Variants in CADPS2 observed in about 807,000 individuals in gnomAD.
CADPS2 encodes calcium dependent secretion activator 2.
CADPS2 carries 93 observed loss-of-function variants against 172.5 expected under a neutral mutation model. The observed-to-expected ratio is 0.54, with a 90% CI of 0.46 to 0.64. The LOEUF is 0.64. CADPS2 is among the 30% of genes least tolerant of loss of function. The pLI, the probability that CADPS2 is intolerant of heterozygous loss-of-function variation, is 0.00. For missense variants in CADPS2, 1,420 were observed against 1,565.9 expected (o/e 0.91, Z 1.57); for synonymous variants, 546 against 555.2 (o/e 0.98, Z 0.23).
intron 3 of CADPS2, among the ~76,000 whole-genome samples, chr7:122,661,309 T>C (rs2011162394): frequency 6.6e-6 from 1 of 152,208 alleles, no homozygotes; most frequent in Admixed American, 6.5e-5. Context: ...GTTGGAGATC[T>C]GAATTGCAAG....
intron 12 of CADPS2, chr7:122,480,193 G>A (rs1229233352): frequency 4.0e-5 from 18 of 451,262 alleles, no homozygotes; most frequent in Middle Eastern, 3.4e-4. Flanking sequence ...GAGAGTCAAA[G>A]AAAAAAAGAA....
At chr7:122,482,689 T>A (rs1269219990) in intron 11 of CADPS2, among the ~76,000 whole-genome samples, 1 of 152,142 alleles carries the variant, frequency 6.6e-6, no homozygotes, top group Non-Finnish European at 1.5e-5. Flanking sequence ...GGAGAAACTC[T>A]ATAGCCCATG....
At chr7:122,621,898 G>A (rs1212913967) in intron 4 of CADPS2, among the ~76,000 whole-genome samples, 181 bp from the exon 5 acceptor site, 1 of 151,892 alleles carries the variant, frequency 6.6e-6, no homozygotes, top group Non-Finnish European at 1.5e-5. Context: ...TATATCTATG[G>A]TACTTCAGAT....
chr7:122,762,014 ATAT>A (rs1422944019), intron 1 of CADPS2, among the ~76,000 whole-genome samples: 2 of 86,476 alleles, frequency 2.3e-5, no homozygotes, highest in African/African-American at 9.3e-5. Context: ...AAAAAAAAAA[ATAT>A]ATATATATAT....
intron 14 of CADPS2, among the ~76,000 whole-genome samples, chr7:122,460,959 T>C (rs73431574): frequency 0.051 from 7,826 of 152,272 alleles, 487 homozygotes; most frequent in African/African-American, 0.15. Context: ...TATAATTTTG[T>C]TGGGACAAGC....
At chr7:122,575,442 CTT>C (rs140893372) in intron 7 of CADPS2, among the ~76,000 whole-genome samples, 11 of 143,298 alleles carry the variant, frequency 7.7e-5, no homozygotes, top group Non-Finnish European at 7.7e-5. Context: ...TCTTCTTTTC[CTT>C]TTTTTTTTTT....
chr7:122,712,259 A>G (rs990511067), intron 2 of CADPS2, among the ~76,000 whole-genome samples: 2 of 152,100 alleles, frequency 1.3e-5, no homozygotes, highest in Non-Finnish European at 2.9e-5. Flanking sequence ...GACCCAGTGC[A>G]CTGATTTGTA....
At chr7:122,602,324 T>C (rs1051969367) in intron 6 of CADPS2, among the ~76,000 whole-genome samples, 5 of 151,998 alleles carry the variant, frequency 3.3e-5, no homozygotes, top group Non-Finnish European at 5.9e-5. Context: ...CTTACGACCA[T>C]TGCAATTTTA....
intron 2 of CADPS2, among the ~76,000 whole-genome samples, chr7:122,706,585 A>G (rs1032934178): frequency 1.4e-5 from 2 of 147,880 alleles, no homozygotes; most frequent in African/African-American, 4.9e-5. Flanking sequence ...ATATGTATAT[A>G]TATATATATC....
chr7:122,516,090 A>T (rs2060355106), intron 8 of CADPS2, among the ~76,000 whole-genome samples: 1 of 152,170 alleles, frequency 6.6e-6, no homozygotes, highest in African/African-American at 2.4e-5. Flanking sequence ...TTAGTAGAAG[A>T]TGTTATAAGG....
chr7:122,723,808 G>T, intron 2 of CADPS2, among the ~76,000 whole-genome samples: 1 of 152,150 alleles, frequency 6.6e-6, no homozygotes, highest in Non-Finnish European at 1.5e-5. Flanking sequence ...ACTGGATTAA[G>T]AAAATGTGGC....
At chr7:122,412,563 C>T (rs1203924669) in intron 19 of CADPS2, among the ~76,000 whole-genome samples, 1 of 152,176 alleles carries the variant, frequency 6.6e-6, no homozygotes, top group African/African-American at 2.4e-5. Context: ...AATGAATCAA[C>T]CATTTGCAGT....
intron 7 of CADPS2, among the ~76,000 whole-genome samples, chr7:122,580,097 C>T (rs1587535089): frequency 6.6e-6 from 1 of 152,048 alleles, no homozygotes; most frequent in East Asian, 1.9e-4. Flanking sequence ...AGTAAGATTT[C>T]TGAAGGTTTT....
chr7:122,790,397 T>TA (rs71531917), intron 1 of CADPS2, among the ~76,000 whole-genome samples: 1,324 of 116,950 alleles, frequency 0.011, 20 homozygotes, highest in African/African-American at 0.024. Flanking sequence ...ACAGCGTTTC[T>TA]AAAAAAAAAA....
At chr7:122,755,733 A>G (rs2093131879) in intron 1 of CADPS2, among the ~76,000 whole-genome samples, 1 of 152,094 alleles carries the variant, frequency 6.6e-6, no homozygotes, top group Non-Finnish European at 1.5e-5. Flanking sequence ...AGAGGCTAAA[A>G]AAAAAAAAGG....
chr7:122,408,064 C>CT (rs573721956), intron 19 of CADPS2, among the ~76,000 whole-genome samples: 11 of 150,546 alleles, frequency 7.3e-5, no homozygotes, highest in East Asian at 5.8e-4. Context: ...TCCAATATTT[C>CT]TTTTTTTTTC....
Position 122,587,927 on chromosome 7 carries a change from C to T in CADPS2, c.1224-6637G>A, listed in dbSNP as rs530758253. ...CATTCTGACTGGCATGAGATGGTAT[C>T]TCACTGTGGTTTTGACTTGTATTTC... On this transcript the variant is annotated intron_variant, in intron 6 of 29. Coordinates refer to ENST00000449022, the MANE Select transcript of CADPS2 (RefSeq NM_017954.11). Among the ~76,000 whole-genome samples the T allele has an allele frequency of 1.5e-4, 23 of 152,228 alleles. No individual in the cohort carries two copies. The East Asian group carries it at 3.7e-3, about 24-fold the overall frequency.
At chr7:122,816,347 C>A (rs1038356230) in intron 1 of CADPS2, among the ~76,000 whole-genome samples, 6 of 152,168 alleles carry the variant, frequency 3.9e-5, no homozygotes, top group Non-Finnish European at 8.8e-5. Flanking sequence ...CCAGTGCCAT[C>A]TGGGTTGTTG....
At chr7:122,590,248 T>C (rs2070560056) in intron 6 of CADPS2, among the ~76,000 whole-genome samples, 2 of 151,782 alleles carry the variant, frequency 1.3e-5, no homozygotes, top group African/African-American at 4.8e-5. Context: ...GCAATCAAAA[T>C]AGTGTGGTCC....
Sources: allele counts gnomAD v4.1 joint callset (sites outside exome capture counted in the v4.1 genomes callset), GRCh38; gene constraint gnomAD v4.1.1; transcripts MANE v1.5; gene names NCBI Gene and HGNC (gene_info 2026-07-23, HGNC 2026-07-21).